BTBD2: variants seen among roughly 807,000 people sequenced by gnomAD.
BTBD2 encodes the protein BTB domain containing 2, also known as BTB/POZ domain-containing protein 2.
Under a neutral mutation model 44.0 loss-of-function variants are expected in BTBD2, and 15 were observed. That is an observed-to-expected ratio of 0.34 (90% confidence interval 0.23 to 0.53). The LOEUF (loss-of-function observed/expected upper bound fraction) is 0.53. Ranked by LOEUF, BTBD2 falls within the 20% of genes least tolerant of loss-of-function variation. BTBD2 has a pLI of 0.95. For missense variants in BTBD2, 657 were observed against 746.4 expected (o/e 0.88, Z 1.39); for synonymous variants, 443 against 335.9 (o/e 1.32, Z -3.49).
intron 2 of BTBD2, among the ~76,000 whole-genome samples, chr19:1,994,826 G>A (rs527676141): frequency 1.1e-4 from 16 of 152,166 alleles, no homozygotes; most frequent in African/African-American, 3.6e-4. Context: ...CCACTCTGCC[G>A]GTATTGTCCT....
chr19:2,003,221 C>T (rs1347875146), intron 1 of BTBD2: 1 of 152,192 alleles, frequency 6.6e-6, no homozygotes, highest in African/African-American at 2.4e-5. Context: ...CCCCTGTAAT[C>T]CCAGCACTTT....
chr19:2,012,394 C>G lies in BTBD2; in HGVS notation c.407+2903G>C, dbSNP rs545866915. Among the ~76,000 whole-genome samples the G allele has an allele frequency of 5.5e-4, 84 of 152,182 alleles. 4 individuals carry two copies. Among genetic ancestry groups the G allele is most frequent in the Middle Eastern group, 3.4e-3 (1 of 294 alleles). On this transcript the variant is annotated intron_variant, in intron 1 of 8. Transcript: ENST00000255608. ...CTCGATCTCCCGACCTCGTGATCTG[C>G]CCGCCTCGGCCTCCCAAAGTGCTGG...
chr19:1,991,693 G>A lies in BTBD2; in HGVS notation c.685-871C>T, dbSNP rs557218283. 3.9e-4 allele frequency among the ~76,000 whole-genome samples: 59 copies of A among 152,244 alleles called. 1 individual carries two copies. The highest frequency in any genetic ancestry group is 2.7e-3 in the South Asian group (13 of 4,818). The stretch of plus-strand genomic sequence containing the variant: ...AAAGCCCATTGGAGGACCCAGTGCC[G>A]CTGTCCCCTCTGGCCACCCTCCACC... On this transcript the variant is annotated intron_variant, in intron 3 of 8. Coordinates refer to ENST00000255608, the MANE Select transcript of BTBD2 (RefSeq NM_017797.4).
chr19:1,986,417 C>T lies in BTBD2; in HGVS notation c.*71G>A. ...GCCTGGCACCGCGTGGTGGGGGGGC[C>T]CCAGCAGCAGATGATGGCCTGGGGC... On this transcript the variant is annotated 3_prime_UTR_variant, in exon 9 of 9. Coordinates refer to ENST00000255608, the MANE Select transcript of BTBD2 (RefSeq NM_017797.4). 2 of 1,585,508 alleles carry T rather than the reference C, an allele frequency of 1.3e-6. No individual in the cohort carries two copies. The highest frequency in any genetic ancestry group is 2.3e-5 in the South Asian group (2 of 88,236).
chr19:1,999,330 G>A (rs1187681800), intron 1 of BTBD2, among the ~76,000 whole-genome samples: 3 of 152,216 alleles, frequency 2.0e-5, no homozygotes, highest in African/African-American at 7.2e-5. Flanking sequence ...GGACGAAGGC[G>A]CCGGGGAAGG....
intron 3 of BTBD2, among the ~76,000 whole-genome samples, chr19:1,992,802 G>C (rs1314139983): frequency 6.6e-6 from 1 of 151,612 alleles, no homozygotes; most frequent in East Asian, 2.0e-4. Context: ...GAACGCCTGA[G>C]CTCAGGTGAT....
intron 2 of BTBD2, among the ~76,000 whole-genome samples, chr19:1,995,831 AT>A (rs1157786078): frequency 6.6e-6 from 1 of 150,624 alleles, no homozygotes; most frequent in African/African-American, 2.4e-5. Context: ...TATTTTTTCT[AT>A]TTTTAATAGA....
chr19:2,009,115 T>G, intron 1 of BTBD2, among the ~76,000 whole-genome samples: 1 of 151,690 alleles, frequency 6.6e-6, no homozygotes, highest in East Asian at 1.9e-4. Context: ...GCCTCCCAGG[T>G]TCAAACGATT....
At chr19:2,008,303 CTTTTTT>C (rs36003432) in intron 1 of BTBD2, among the ~76,000 whole-genome samples, 1 of 141,006 alleles carries the variant, frequency 7.1e-6, no homozygotes, top group African/African-American at 2.6e-5. Flanking sequence ...TGCGCCCACT[CTTTTTT>C]TTTTTTTCTA....
intron 3 of BTBD2, chr19:1,991,928 T>C (rs943218473): frequency 4.0e-5 from 6 of 150,388 alleles, no homozygotes; most frequent in Admixed American, 2.0e-4. Flanking sequence ...TTTTTTTTTC[T>C]TTTTTTTTAG....
At chr19:2,011,993 T>A (rs2016470899) in intron 1 of BTBD2, among the ~76,000 whole-genome samples, 1 of 152,024 alleles carries the variant, frequency 6.6e-6, no homozygotes, top group Admixed American at 6.6e-5. Flanking sequence ...TAGCTGGGAC[T>A]ACAGTTGTGC....
At chr19:1,990,444 A>C in intron 4 of BTBD2, 1 of 613,922 alleles carries the variant, frequency 1.6e-6, no homozygotes, top group Non-Finnish European at 2.9e-6. Flanking sequence ...GCTTTGACAA[A>C]AGCTGTTCAA....
chr19:1,986,809 C>A lies in BTBD2; in HGVS notation c.1416+21G>T, dbSNP rs779407048. On this transcript the variant is annotated intron_variant, in intron 8 of 8. Coordinates refer to ENST00000255608, the MANE Select transcript of BTBD2 (RefSeq NM_017797.4). ...TGGGCCAGAGACTCCCACGGAGGGA[C>A]CCCTGTCCCCGGCGGCGCACCTTGA... is the stretch of plus-strand genomic sequence containing the variant. 4.5e-5 allele frequency: 72 copies of A among 1,592,310 alleles called. No individual in the cohort carries two copies. The Admixed American group carries it at 1.2e-3, about 26-fold the overall frequency.
chr19:2,013,529 G>A (rs1457074634), intron 1 of BTBD2: 2 of 986,146 alleles, frequency 2.0e-6, no homozygotes, highest in African/African-American at 3.5e-5. Flanking sequence ...GGGGGTAGCA[G>A]GGCCCAGGGG....
chr19:1,990,829 A>C lies in BTBD2; in HGVS notation c.685-7T>G, dbSNP rs1182247952. ...GTTCATCGAAGAGTCGCGCCTGGCA[A>C]GAGACATCGACGGGGGGCGCGGTGG... is the stretch of plus-strand genomic sequence containing the variant. On this transcript the variant is annotated splice_polypyrimidine_tract_variant and splice_region_variant and intron_variant, in intron 3 of 8. Transcript: ENST00000255608. 8.4e-6 allele frequency: 13 copies of C among 1,551,992 alleles called. No individual in the cohort carries two copies. The highest frequency in any genetic ancestry group is 4.1e-5 in the African/African-American group (3 of 73,170).
chr19:2,006,561 C>A (rs1253982642), intron 1 of BTBD2, among the ~76,000 whole-genome samples: 1 of 151,906 alleles, frequency 6.6e-6, no homozygotes, highest in Non-Finnish European at 1.5e-5. Context: ...TTAGAAAGAC[C>A]AATCTCCTCA....
chr19:1,993,561 C>T (rs1020461207), intron 2 of BTBD2, among the ~76,000 whole-genome samples: 1 of 152,120 alleles, frequency 6.6e-6, no homozygotes, highest in Non-Finnish European at 1.5e-5. Flanking sequence ...TCGGGCACCA[C>T]CGAAAACCTC....
intron 1 of BTBD2, among the ~76,000 whole-genome samples, chr19:2,004,824 AATT>A (rs1037406400): frequency 2.6e-5 from 4 of 151,202 alleles, no homozygotes; most frequent in Non-Finnish European, 5.9e-5. Context: ...ACAAAAAAAA[AATT>A]ATTATTTTTT....
At chr19:2,000,613 A>G (rs2145638058) in intron 1 of BTBD2, among the ~76,000 whole-genome samples, 1 of 152,196 alleles carries the variant, frequency 6.6e-6, no homozygotes, top group South Asian at 2.1e-4. Context: ...ACCCCTGGGC[A>G]CCGCTACTGC....
Sources: gnomAD v4.1 joint callset for allele counts (sites outside exome capture counted in the v4.1 genomes callset) on GRCh38, gnomAD v4.1.1 for gene constraint, MANE v1.5 for transcripts, NCBI Gene and HGNC (gene_info 2026-07-23, HGNC 2026-07-21) for gene names.